The following FUT2 variants were observed in gnomAD, a reference collection of about 807,000 sequenced individuals.
FUT2 encodes fucosyltransferase 2 (H blood group).
For synonymous variants in FUT2, 182 were observed against 193.1 expected, an observed-to-expected ratio of 0.94 and a Z score of 0.48; for missense variants, 419 against 465.8, an observed-to-expected ratio of 0.90 and a Z score of 0.93.
intron 1 of FUT2, among the ~76,000 whole-genome samples, chr19:48,697,854 C>T (rs2032443234): frequency 6.6e-6 from 1 of 151,914 alleles, no homozygotes; most frequent in African/African-American, 2.4e-5. Context: ...GCCACCATGC[C>T]TGGCTAATTT....
intron 1 of FUT2, among the ~76,000 whole-genome samples, chr19:48,701,434 C>T (rs955010397): frequency 1.3e-5 from 2 of 151,964 alleles, no homozygotes; most frequent in Admixed American, 1.3e-4. Context: ...CCACCTCGGC[C>T]TCCCAAAGTG....
At chr19:48,696,831 G>C (rs552881969) in intron 1 of FUT2, among the ~76,000 whole-genome samples, 2 of 152,236 alleles carry the variant, frequency 1.3e-5, no homozygotes, top group Middle Eastern at 6.8e-3. Flanking sequence ...AAGGCTTTCA[G>C]AGCTGGGGGA....
At position 48,702,966 on chromosome 19, in the gene FUT2, G is replaced by A. The variant is rs774871775; in HGVS notation, c.10G>A (p.Val4Ile). Residue 4 changes from valine (V) to isoleucine (I), a missense_variant, in exon 2 of 2, where the codon GTT becomes ATT. Coordinates refer to ENST00000425340, the MANE Select transcript of FUT2 (RefSeq NM_000511.6). Reference sequence around the variant, plus strand: ...TCCTCCCCTGACAGCCATGCTGGTCGTTCAGATGCCTTTCTCCTTTCCCAT... The same window carrying A: ...TCCTCCCCTGACAGCCATGCTGGTCATTCAGATGCCTTTCTCCTTTCCCAT... MLV[V>I]QMPFSFPMAH... 1.9e-5 allele frequency: 31 copies of A among 1,613,132 alleles called. 2 individuals are homozygous for A. The highest frequency in any genetic ancestry group is 1.5e-4 in the South Asian group (14 of 90,626).
chr19:48,698,325 C>T (rs1030883714), intron 1 of FUT2, among the ~76,000 whole-genome samples: 2 of 152,070 alleles, frequency 1.3e-5, no homozygotes, highest in Non-Finnish European at 2.9e-5. Flanking sequence ...AGGTCAGTGC[C>T]CAGCTTCCTG....
chr19:48,700,820 T>G (rs978888487), intron 1 of FUT2, among the ~76,000 whole-genome samples: 2 of 152,056 alleles, frequency 1.3e-5, no homozygotes. Flanking sequence ...TGGGTAGGAA[T>G]TGTCACATAA....
intron 1 of FUT2, among the ~76,000 whole-genome samples, chr19:48,700,261 C>T (rs765168679): frequency 2.0e-5 from 3 of 151,692 alleles, no homozygotes; most frequent in Non-Finnish European, 4.4e-5. Context: ...GTTAATTTAG[C>T]GGCTCCACAA....
chr19:48,703,768 C>T lies in FUT2; in HGVS notation c.812C>T (p.Pro271Leu). 1.2e-6 allele frequency: 2 copies of T among 1,612,270 alleles called. No homozygotes were observed. Among genetic ancestry groups the T allele is most frequent in the Non-Finnish European group, 1.7e-6 (2 of 1,180,022 alleles). ...GCTGGCGATGGCATTGAGGGCTCACCTGCCAAAGATTTTGCTCTACTCACA... is the reference window on the plus strand; with the variant it reads ...GCTGGCGATGGCATTGAGGGCTCACTTGCCAAAGATTTTGCTCTACTCACA... ...VFAGDGIEGS[P>L]AKDFALLTQC... The change falls in exon 2 of 2, where the codon CCT (proline) becomes CTT (leucine). Residue 271 changes from proline (P) to leucine (L), a missense_variant. Physicochemically the swap from Pro to Leu is moderately conservative, Grantham distance 98. Coordinates refer to ENST00000425340, the MANE Select transcript of FUT2 (RefSeq NM_000511.6).
intron 1 of FUT2, among the ~76,000 whole-genome samples, chr19:48,702,399 C>G (rs974192999): frequency 6.6e-6 from 1 of 151,758 alleles, no homozygotes; most frequent in African/African-American, 2.4e-5. Flanking sequence ...AGAGCAAGAT[C>G]CTGTCTCAAA....
At chr19:48,698,117 C>A (rs2032448730) in intron 1 of FUT2, among the ~76,000 whole-genome samples, 1 of 150,794 alleles carries the variant, frequency 6.6e-6, no homozygotes, top group South Asian at 2.1e-4. Context: ...CTCCCCACAA[C>A]CCCCTGTTGA....
Position 48,703,959 on chromosome 19 carries a change from G to A in FUT2, c.1003G>A (p.Ala335Thr), listed in dbSNP as rs373779096. 102 of 1,613,438 alleles carry A rather than the reference G, an allele frequency of 6.3e-5. No individual in the cohort carries two copies. Among genetic ancestry groups the A allele is most frequent in the African/African-American group, 3.7e-4 (28 of 75,034 alleles). ...AFLPEWTGIA[A>T]DLSPLLKH is the part of the protein sequence containing the mutation. ...CCTGCCGGAGTGGACAGGGATTGCC[G>A]CAGACCTGTCCCCCTTACTCAAGCA... is the stretch of plus-strand genomic sequence containing the variant. Residue 335 changes from alanine (A) to threonine (T), a missense_variant, in exon 2 of 2, where the codon GCA (alanine) becomes ACA (threonine). Physicochemically the swap from Ala to Thr is moderately conservative, Grantham distance 58 (BLOSUM62 0). Coordinates refer to ENST00000425340, the MANE Select transcript of FUT2 (RefSeq NM_000511.6).
At position 48,699,707 on chromosome 19, in the gene FUT2, A is replaced by T. The variant is rs2122212217; in HGVS notation, c.-2-3248A>T. Among the ~76,000 whole-genome samples the T allele has an allele frequency of 1.3e-5, 2 of 152,180 alleles. 1 individual carries two copies. The highest frequency in any genetic ancestry group is 4.2e-4 in the South Asian group (2 of 4,766). ...CAGAGAGGTGATGTCACTTGCCCAA[A>T]ATCACACAGCTCGTGACTGTGAGTC... On this transcript the variant is annotated intron_variant, in intron 1 of 1. Coordinates refer to ENST00000425340, the MANE Select transcript of FUT2 (RefSeq NM_000511.6).
At position 48,705,532 on chromosome 19, in the gene FUT2, C is replaced by A. The variant is rs1265292008; in HGVS notation, c.*1544C>A. The A allele has an allele frequency of 6.0e-6, 1 of 167,172 alleles. No homozygotes were observed. The highest frequency in any genetic ancestry group is 1.5e-5 in the Non-Finnish European group (1 of 68,154). 10.4% of individuals were successfully genotyped at this position (167,172 alleles called of 1,614,324 possible). ...GTCCATAGGTCCTGCCTCTTCAATC[C>A]TGGCTTTCTAGGGCCTGGGATGATC... On this transcript the variant is annotated 3_prime_UTR_variant, in exon 2 of 2. Transcript: ENST00000425340.
At position 48,703,502 on chromosome 19, in the gene FUT2, G is replaced by A. The variant is rs1480014971; in HGVS notation, c.546G>A (p.Leu182=). The change falls in exon 2 of 2, where the codon CTG becomes CTA. Residue 182 remains leucine, a synonymous_variant. Coordinates refer to ENST00000425340, the MANE Select transcript of FUT2 (RefSeq NM_000511.6). The stretch of plus-strand genomic sequence containing the variant: ...TGCGGGAGGAGGCCCAGAAGTTCCT[G>A]CGGGGCCTGCAGGTGAACGGGAGCC... ...DHVREEAQKF[L]RGLQVNGSRP... 1.9e-6 allele frequency: 3 copies of A among 1,612,936 alleles called. No homozygotes were observed. Among genetic ancestry groups the A allele is most frequent in the African/African-American group, 2.7e-5 (2 of 74,930 alleles).
rs140411756 is a variant in FUT2, at chr19:48,704,421, CAAAAA to C, written c.*449_*453del. The C allele has an allele frequency of 1.5e-4, 16 of 109,266 alleles. No homozygotes were observed. The highest frequency in any genetic ancestry group is 5.4e-4 in the South Asian group (1 of 1,836). The allele number at this position is 109,266 out of a possible 1,614,324, so 6.8% of individuals were successfully genotyped here. A position where few individuals can be genotyped will look rare whatever the true frequency, so the allele number is the denominator to read the frequency against. On this transcript the variant is annotated 3_prime_UTR_variant, in exon 2 of 2. Coordinates refer to ENST00000425340, the MANE Select transcript of FUT2 (RefSeq NM_000511.6). ...TGGGTGACACAGCAAGACTCCATCT[CAAAAA>C]AAAAAAAAAAAAAAAGAAAAGAAAA...
Position 48,703,166 on chromosome 19 carries a change from C to A in FUT2, c.210C>A (p.Gly70=). ...GGATGTGGACGATCAATGCAATAGG[C>A]CGCCTGGGGAACCAGATGGGCGAGT... The part of the protein sequence containing the change: ...LRGMWTINAI[G]RLGNQMGEYA... The change falls in exon 2 of 2, where the codon GGC becomes GGA. Residue 70 remains glycine (G), a synonymous_variant. Transcript: ENST00000425340. 1 of 1,613,468 alleles carries A rather than the reference C, an allele frequency of 6.2e-7. No homozygotes were observed. The highest frequency in any genetic ancestry group is 1.1e-5 in the South Asian group (1 of 90,628).
intron 1 of FUT2, among the ~76,000 whole-genome samples, chr19:48,697,177 C>T (rs1214968771): frequency 1.3e-5 from 2 of 151,344 alleles, no homozygotes; most frequent in Non-Finnish European, 2.9e-5. Flanking sequence ...GAAACCCCGT[C>T]TCTACTAAAA....
rs375480716 is a variant in FUT2, at chr19:48,701,233, G to A, written c.-2-1722G>A. 9.9e-5 allele frequency among the ~76,000 whole-genome samples: 15 copies of A among 151,924 alleles called. 2 individuals are homozygous for A. The highest frequency in any genetic ancestry group is 3.3e-4 in the Admixed American group (5 of 15,256). ...ATGATCTTGGCTCACTGCAGCCTCC[G>A]CCTCCCGGGTTCAAGCAATTCTCCT... On this transcript the variant is annotated intron_variant, in intron 1 of 1. Coordinates refer to ENST00000425340, the MANE Select transcript of FUT2 (RefSeq NM_000511.6).
In FUT2 at chr19:48,704,858, G is replaced by A. The variant is rs2032607430; in HGVS notation, c.*870G>A. 1 of 413,202 alleles carries A rather than the reference G, an allele frequency of 2.4e-6. No individual in the cohort carries two copies. The highest frequency in any genetic ancestry group is 1.3e-4 in the South Asian group (1 of 7,748). The allele number at this position is 413,202 out of a possible 1,614,324, so 25.6% of individuals were successfully genotyped here. On this transcript the variant is annotated 3_prime_UTR_variant, in exon 2 of 2. Coordinates refer to ENST00000425340, the MANE Select transcript of FUT2 (RefSeq NM_000511.6). ...TAGCCTCAGATTCTGCAGCTGAGAA[G>A]TTGATCAGCCACCTCTGAAGGACAT... is the stretch of plus-strand genomic sequence containing the variant.
rs1800029 is a variant in FUT2 at position 48,703,617 on chromosome 19, C to T, written c.661C>T (p.Arg221Ter). 2.9e-5 allele frequency: 46 copies of T among 1,613,290 alleles called. 1 individual carries two copies. The East Asian group carries it at 3.1e-4, about 11-fold the overall frequency. Residue 221 changes from arginine to a stop codon, truncating the protein, a stop_gained, in exon 2 of 2, where the codon CGA (arginine) becomes TGA (stop). Transcript: ENST00000425340. LOFTEE classifies it low-confidence loss of function (END_TRUNC). ...GTGGAAGGGGGTGGTGGCCGACCGG[C>T]GATACCTACAGCAGGCCCTGGACTG... ...KVWKGVVADR[R>*]YLQQALDWFR...
Sources: allele counts gnomAD v4.1 joint callset (sites outside exome capture counted in the v4.1 genomes callset), GRCh38; gene constraint gnomAD v4.1.1; transcripts MANE v1.5; gene names NCBI Gene and HGNC (gene_info 2026-07-23, HGNC 2026-07-21).